The following MYZAP variants were observed in gnomAD, a reference collection of about 807,000 sequenced individuals.
MYZAP encodes the protein GRINL1A complex locus upstream.
Under a neutral mutation model 69.4 loss-of-function variants are expected in MYZAP, and 66 were observed. That is an observed-to-expected ratio of 0.95 (90% CI 0.78 to 1.17). The LOEUF (loss-of-function observed/expected upper bound fraction) is 1.17. Among genes scored for constraint, MYZAP ranks in the 50% most tolerant of loss-of-function variants. MYZAP has a pLI of 0.00. For synonymous variants in MYZAP, 256 were observed against 205.9 expected, an observed-to-expected ratio of 1.24 and a Z score of -2.09; for missense variants, 611 against 556.2, an observed-to-expected ratio of 1.10 and a Z score of -0.99.
At chr15:57,675,191 A>G in intron 12 of MYZAP, 123 bp downstream of exon 12, 1 of 907,154 alleles carries the variant, frequency 1.1e-6, no homozygotes, top group Non-Finnish European at 1.7e-6. Context: ...TGCAAAGCCG[A>G]GTGGTGGCTG....
chr15:57,600,830 C>T (rs1224767634), intron 1 of MYZAP, among the ~76,000 whole-genome samples: 5 of 151,998 alleles, frequency 3.3e-5, no homozygotes, highest in African/African-American at 1.2e-4. Flanking sequence ...GCCTGAAATC[C>T]CAACACATTT....
At chr15:57,596,379 C>T (rs1277378464) in intron 1 of MYZAP, among the ~76,000 whole-genome samples, 1 of 152,164 alleles carries the variant, frequency 6.6e-6, no homozygotes, top group East Asian at 1.9e-4. Context: ...GCTGTGGGCC[C>T]AGGGCTGACT....
At chr15:57,628,943 C>T (rs1369134200) in intron 5 of MYZAP, among the ~76,000 whole-genome samples, 1 of 151,924 alleles carries the variant, frequency 6.6e-6, no homozygotes, top group Admixed American at 6.5e-5. Context: ...ATTAGCCAGG[C>T]GTGGTGGCAG....
At chr15:57,680,944 A>C (rs1168429833) in intron 12 of MYZAP, among the ~76,000 whole-genome samples, 2 of 152,248 alleles carry the variant, frequency 1.3e-5, no homozygotes, top group Non-Finnish European at 2.9e-5. Context: ...ACAATAGCCT[A>C]AATGTGTTAA....
intron 12 of MYZAP, among the ~76,000 whole-genome samples, chr15:57,681,203 C>G (rs1218282947): frequency 6.6e-6 from 1 of 152,182 alleles, no homozygotes; most frequent in Non-Finnish European, 1.5e-5. Flanking sequence ...AAATAGCCAT[C>G]TGGCTTCTGC....
intron 6 of MYZAP, among the ~76,000 whole-genome samples, 153 bp from the exon 7 acceptor site, chr15:57,632,281 C>T (rs1258520576): frequency 1.3e-5 from 2 of 152,240 alleles, no homozygotes; most frequent in East Asian, 3.9e-4. Flanking sequence ...CTCTTCCTCC[C>T]TTTCCCTGTT....
chr15:57,673,692 T>C (rs2032097787), intron 11 of MYZAP, among the ~76,000 whole-genome samples: 1 of 152,200 alleles, frequency 6.6e-6, no homozygotes, highest in Admixed American at 6.5e-5. Context: ...GTACGGAACA[T>C]GGATTTTCAC....
At chr15:57,661,822 C>T (rs543644689) in intron 11 of MYZAP, among the ~76,000 whole-genome samples, 6 of 152,268 alleles carry the variant, frequency 3.9e-5, no homozygotes, top group South Asian at 4.1e-4. Flanking sequence ...GATAATTCCC[C>T]GCATTTGTCC....
rs187498102 is a variant in MYZAP, at chr15:57,681,113, A to G, written c.1305-3289A>G. ...ACCTAGAAGGTTCACCTTTATAAAT[A>G]TTTCTGCATTTTATGGGCTTTCAGG... On this transcript the variant is annotated intron_variant, in intron 12 of 12. Coordinates refer to ENST00000267853, the MANE Select transcript of MYZAP (RefSeq NM_001018100.5). Among the ~76,000 whole-genome samples, 8 of 152,286 alleles carry G rather than the reference A, an allele frequency of 5.3e-5. No individual in the cohort carries two copies. The East Asian group carries it at 1.5e-3, about 29-fold the overall frequency.
intron 3 of MYZAP, among the ~76,000 whole-genome samples, chr15:57,620,341 CACTT>C (rs1266746603): frequency 2.0e-5 from 3 of 152,162 alleles, no homozygotes; most frequent in African/African-American, 7.2e-5. Flanking sequence ...ATGTCCTAAA[CACTT>C]ACATTCTAAC....
In MYZAP at chr15:57,592,109, G is replaced by C. The variant is rs1208669005; in HGVS notation, c.75G>C (p.Arg25Ser). The C allele has an allele frequency of 1.5e-6, 2 of 1,336,562 alleles. No homozygotes were observed. The highest frequency in any genetic ancestry group is 7.9e-5 in the Admixed American group (2 of 25,368). 82.8% of individuals were successfully genotyped at this position (1,336,562 alleles called of 1,614,324 possible). The change falls in exon 1 of 13, where the codon AGG becomes AGC. Residue 25 changes from arginine (R) to serine (S), a missense_variant and splice_region_variant. Physicochemically the swap from Arg to Ser is moderately radical, Grantham distance 110. Transcript: ENST00000267853. ...GGACGCCCGGGGCGCCCAGCAGGAGGGTGAGTAGCGGGGGCGGGAGCCGCC... is the reference window on the plus strand; with the variant it reads ...GGACGCCCGGGGCGCCCAGCAGGAGCGTGAGTAGCGGGGGCGGGAGCCGCC... ...AARTPGAPSRRANVCRLRLTV... is the reference protein window; with the variant it reads ...AARTPGAPSRSANVCRLRLTV...
chr15:57,665,920 A>T (rs1204045760), intron 11 of MYZAP, among the ~76,000 whole-genome samples: 3 of 152,212 alleles, frequency 2.0e-5, no homozygotes, highest in African/African-American at 7.2e-5. Context: ...TCTGCTTACA[A>T]GCAGAGTAAC....
intron 10 of MYZAP, among the ~76,000 whole-genome samples, chr15:57,653,344 T>C (rs897638375): frequency 1.3e-5 from 2 of 152,304 alleles, no homozygotes; most frequent in South Asian, 2.1e-4. Context: ...AAGTTCCCCA[T>C]AGAAATCCAG....
chr15:57,651,813 A>T (rs998395697), intron 10 of MYZAP, among the ~76,000 whole-genome samples: 2 of 152,144 alleles, frequency 1.3e-5, no homozygotes, highest in Admixed American at 1.3e-4. Flanking sequence ...ATGTGCTCAG[A>T]TTGGGAAGCA....
intron 9 of MYZAP, 47 bp from the exon 10 acceptor site, chr15:57,639,393 C>T (rs1441055526): frequency 1.3e-6 from 2 of 1,596,244 alleles, no homozygotes; most frequent in African/African-American, 1.3e-5. Flanking sequence ...ACTGCTGTTG[C>T]TGCTTTGGTT....
rs114908688 is a variant in MYZAP, at chr15:57,642,932, G to A, written c.1119+3387G>A. Reference sequence around the variant, plus strand: ...AATGAAGGATTAGTATATATCTTACGGTGTCAAGGTCATTGAGAAAAGATA... The same window carrying A: ...AATGAAGGATTAGTATATATCTTACAGTGTCAAGGTCATTGAGAAAAGATA... On this transcript the variant is annotated intron_variant, in intron 10 of 12. Transcript: ENST00000267853. Among the ~76,000 whole-genome samples, 438 of 152,212 alleles carry A rather than the reference G, an allele frequency of 2.9e-3. 4 individuals are homozygous for A. The highest frequency in any genetic ancestry group is 0.01 in the African/African-American group (424 of 41,524).
At chr15:57,654,933 G>A (rs1456398530) in intron 10 of MYZAP, among the ~76,000 whole-genome samples, 1 of 150,946 alleles carries the variant, frequency 6.6e-6, no homozygotes, top group Non-Finnish European at 1.5e-5. Context: ...TTATTTAAAT[G>A]TGCAGATTGG....
chr15:57,605,410 G>C (rs947959204), intron 2 of MYZAP, among the ~76,000 whole-genome samples: 6 of 152,130 alleles, frequency 3.9e-5, no homozygotes, highest in African/African-American at 9.7e-5. Flanking sequence ...TTCATAAATG[G>C]AGTCATAACA....
chr15:57,649,277 T>C (rs1471436043), intron 10 of MYZAP, among the ~76,000 whole-genome samples: 1 of 152,224 alleles, frequency 6.6e-6, no homozygotes, highest in Non-Finnish European at 1.5e-5. Flanking sequence ...TTCTAGATAT[T>C]GCCCAATCGC....
Sources: gnomAD v4.1 joint callset for allele counts (sites outside exome capture counted in the v4.1 genomes callset) on GRCh38, gnomAD v4.1.1 for gene constraint, MANE v1.5 for transcripts, NCBI Gene and HGNC (gene_info 2026-07-23, HGNC 2026-07-21) for gene names.